Variants in CLEC16A observed in about 807,000 individuals in gnomAD.
CLEC16A encodes protein CLEC16A.
CLEC16A carries 51 observed loss-of-function variants against 109.5 expected under a neutral mutation model. The observed-to-expected ratio is 0.47, with a 90% CI of 0.37 to 0.59. The LOEUF is 0.59. Ranked by LOEUF, CLEC16A falls within the 20% of genes least tolerant of loss-of-function variation. CLEC16A has a pLI of 0.00. For synonymous variants in CLEC16A, 673 were observed against 564.2 expected, an observed-to-expected ratio of 1.19 and a Z score of -2.73; for missense variants, 1,339 against 1,394.0, an observed-to-expected ratio of 0.96 and a Z score of 0.63.
chr16:10,948,145 G>A (rs1249629453), intron 1 of CLEC16A, among the ~76,000 whole-genome samples: 12 of 152,258 alleles, frequency 7.9e-5, no homozygotes, highest in East Asian at 3.9e-4. Flanking sequence ...TGCCCTCCTT[G>A]ACCTCCCAAA....
intron 2 of CLEC16A, among the ~76,000 whole-genome samples, chr16:10,959,014 GGTGTGTGTGTGT>G (rs59658260): frequency 7.5e-5 from 11 of 146,190 alleles, no homozygotes; most frequent in Non-Finnish European, 1.1e-4. Flanking sequence ...ACTAAACACG[GGTGTGTGTGTGT>G]GTGTGTGTGT....
chr16:10,975,110 A>AGG (rs1281317878), intron 7 of CLEC16A, among the ~76,000 whole-genome samples: 1 of 152,204 alleles, frequency 6.6e-6, no homozygotes, highest in Non-Finnish European at 1.5e-5. Flanking sequence ...TGGGAGGCTG[A>AGG]GGCGGGCAGA....
At position 11,029,269 on chromosome 16, in the gene CLEC16A, C is replaced by G. The variant is rs147245206; in HGVS notation, c.1537+4348C>G. Among the ~76,000 whole-genome samples, 778 of 152,268 alleles carry G rather than the reference C, an allele frequency of 5.1e-3. 31 individuals are homozygous for G. Among genetic ancestry groups the G allele is most frequent in the Admixed American group, 0.047 (714 of 15,298 alleles). On this transcript the variant is annotated intron_variant, in intron 13 of 23. Coordinates refer to ENST00000409790, the MANE Select transcript of CLEC16A (RefSeq NM_015226.3). ...AGGTGGTCTCTCCACACTGGCCCCCCCAGTGTGAGCTCCAGGAATTGTTCC... is the reference window on the plus strand; with the variant it reads ...AGGTGGTCTCTCCACACTGGCCCCCGCAGTGTGAGCTCCAGGAATTGTTCC...
At chr16:10,973,767 C>T (rs748855534) in intron 7 of CLEC16A, among the ~76,000 whole-genome samples, 17 of 151,056 alleles carry the variant, frequency 1.1e-4, no homozygotes, top group East Asian at 2.0e-4. Context: ...GATGGGGTTT[C>T]GTCATGTTGC....
At chr16:11,059,784 A>T (rs185832766) in intron 18 of CLEC16A, among the ~76,000 whole-genome samples, 1 of 152,262 alleles carries the variant, frequency 6.6e-6, no homozygotes, top group Non-Finnish European at 1.5e-5. Flanking sequence ...AGAACCTCCT[A>T]GCAGGCATGC....
rs377439177 is a variant in CLEC16A, at chr16:11,142,399, C to A, written c.2641+16253C>A. Among the ~76,000 whole-genome samples, 12 of 152,358 alleles carry A rather than the reference C, an allele frequency of 7.9e-5. No homozygotes were observed. In the South Asian group the frequency reaches 1.2e-3, roughly 16 times the overall value. ...TGTCAGAGCGCTGTGATCAAGCAGGCCTGGAGGTGCCTGTGCTTGGCCCTT... is the reference window on the plus strand; with the variant it reads ...TGTCAGAGCGCTGTGATCAAGCAGGACTGGAGGTGCCTGTGCTTGGCCCTT... On this transcript the variant is annotated intron_variant, in intron 22 of 23. Coordinates refer to ENST00000409790, the MANE Select transcript of CLEC16A (RefSeq NM_015226.3).
intron 13 of CLEC16A, among the ~76,000 whole-genome samples, chr16:11,038,239 A>C (rs112526533): frequency 6.5e-4 from 99 of 152,314 alleles, no homozygotes; most frequent in African/African-American, 2.2e-3. Flanking sequence ...CTTCAATGCT[A>C]TCTTCCACTA....
intron 16 of CLEC16A, among the ~76,000 whole-genome samples, chr16:11,046,963 AAT>A (rs1460988493): frequency 6.6e-6 from 1 of 152,214 alleles, no homozygotes; most frequent in Non-Finnish European, 1.5e-5. Flanking sequence ...CAAAATAGAT[AAT>A]GTTAAACACT....
chr16:11,053,712 G>C (rs1181392670), intron 18 of CLEC16A, among the ~76,000 whole-genome samples: 2 of 152,174 alleles, frequency 1.3e-5, no homozygotes, highest in Admixed American at 1.3e-4. Context: ...CTGGTGATTT[G>C]CTCAAGGTCA....
intron 16 of CLEC16A, chr16:11,044,363 A>G (rs988144417): frequency 3.2e-5 from 9 of 281,074 alleles, no homozygotes; most frequent in Non-Finnish European, 5.3e-5. Context: ...TAAATTATGA[A>G]CTACGTACGT....
chr16:11,020,429 C>G (rs117039506), intron 12 of CLEC16A, 104 bp downstream of exon 12: 3 of 1,344,840 alleles, frequency 2.2e-6, no homozygotes, highest in Non-Finnish European at 2.9e-6. Context: ...TCCCTCAGCC[C>G]GACCATGCTG....
intron 19 of CLEC16A, among the ~76,000 whole-genome samples, chr16:11,081,172 C>A (rs2049693003): frequency 6.6e-6 from 1 of 152,246 alleles, no homozygotes; most frequent in Admixed American, 6.5e-5. Flanking sequence ...CTTGGCAGAT[C>A]CCTCTGACCT....
intron 19 of CLEC16A, among the ~76,000 whole-genome samples, chr16:11,100,062 T>G (rs1339398611): frequency 6.6e-6 from 1 of 152,156 alleles, no homozygotes; most frequent in African/African-American, 2.4e-5. Context: ...CACACTTATT[T>G]ACTATTGGAC....
chr16:11,169,055 G>A (rs188383705), intron 23 of CLEC16A, among the ~76,000 whole-genome samples: 4 of 152,276 alleles, frequency 2.6e-5, no homozygotes, highest in East Asian at 1.9e-4. Context: ...CATCCTAACC[G>A]CCCACTGCCT....
chr16:11,034,608 AC>A (rs1339717734), intron 13 of CLEC16A, among the ~76,000 whole-genome samples: 14 of 152,100 alleles, frequency 9.2e-5, no homozygotes, highest in East Asian at 1.9e-4. Flanking sequence ...GACAGGGGAC[AC>A]CCGTTCTGAG....
intron 22 of CLEC16A, among the ~76,000 whole-genome samples, chr16:11,158,954 C>G (rs994213709): frequency 4.0e-5 from 6 of 151,262 alleles, no homozygotes; most frequent in Non-Finnish European, 1.5e-5. Context: ...GGAGACCCCT[C>G]TGGTTGCATA....
At chr16:11,066,407 G>A in intron 19 of CLEC16A, 1 of 152,622 alleles carries the variant, frequency 6.6e-6, no homozygotes, top group Non-Finnish European at 1.5e-5. Flanking sequence ...GGGGCTGGGA[G>A]GATGGTGATT....
At chr16:11,177,607 A>G (rs983792559) in intron 23 of CLEC16A, among the ~76,000 whole-genome samples, 15 of 151,788 alleles carry the variant, frequency 9.9e-5, no homozygotes, top group African/African-American at 3.4e-4. Context: ...CAAAAGAAAA[A>G]AAAAAAAAAA....
chr16:11,047,640 T>C (rs369866772), intron 17 of CLEC16A: 2 of 237,250 alleles, frequency 8.4e-6, no homozygotes, highest in East Asian at 1.9e-4. Context: ...TGGATGTATA[T>C]AGCATGCTGT....
Sources: gnomAD v4.1 joint callset for allele counts (sites outside exome capture counted in the v4.1 genomes callset) on GRCh38, gnomAD v4.1.1 for gene constraint, MANE v1.5 for transcripts, NCBI Gene and HGNC (gene_info 2026-07-23, HGNC 2026-07-21) for gene names.